The following PRKD1 variants were observed in gnomAD, a reference collection of about 807,000 sequenced individuals.
PRKD1 encodes the protein protein kinase D1.
Under a neutral mutation model 95.9 loss-of-function variants are expected in PRKD1, and 63 were observed. That is an observed-to-expected ratio of 0.66 (90% CI 0.54 to 0.81). The LOEUF (loss-of-function observed/expected upper bound fraction) is 0.81. PRKD1 is among the 30% of genes least tolerant of loss of function. The pLI, the probability that PRKD1 is intolerant of heterozygous loss-of-function variation, is 0.00. For synonymous variants in PRKD1, 425 were observed against 423.1 expected (o/e 1.00, Z -0.05); for missense variants, 1,048 against 1,165.3 (o/e 0.90, Z 1.47).
rs1214723122 is a variant in PRKD1 at position 29,826,722 on chromosome 14, CAT to C, written c.264+100525_264+100526del. Among the ~76,000 whole-genome samples the C allele has an allele frequency of 5.1e-4, 34 of 67,122 alleles. 5 individuals carry two copies. The highest frequency in any genetic ancestry group is 0.012 in the Middle Eastern group (1 of 84). 44.0% of individuals were successfully genotyped at this position (67,122 alleles called of 152,430 possible). ...ATACATATATACACATATATATATACATATATATACACATATATATACACATA... is the reference window on the plus strand; with the variant it reads ...ATACATATATACACATATATATATACATATATACACATATATATACACATA... On this transcript the variant is annotated intron_variant, in intron 1 of 17. Transcript: ENST00000331968.
intron 2 of PRKD1, among the ~76,000 whole-genome samples, chr14:29,703,481 T>A (rs1884937078): frequency 6.6e-6 from 1 of 152,164 alleles, no homozygotes; most frequent in African/African-American, 2.4e-5. Flanking sequence ...TGTTATGTGT[T>A]ATGTCAGAAA....
chr14:29,684,188 T>C (rs1011886461), intron 2 of PRKD1, among the ~76,000 whole-genome samples: 4 of 149,060 alleles, frequency 2.7e-5, no homozygotes, highest in African/African-American at 9.9e-5. Flanking sequence ...TCTCACTCTA[T>C]CGCCCAGGCT....
intron 1 of PRKD1, among the ~76,000 whole-genome samples, chr14:29,801,993 C>T (rs1184317258): frequency 6.6e-6 from 1 of 152,060 alleles, no homozygotes; most frequent in African/African-American, 2.4e-5. Flanking sequence ...CGGCCTGGGT[C>T]TACATCTTTT....
chr14:29,891,396 A>T (rs1893932837), intron 1 of PRKD1, among the ~76,000 whole-genome samples: 1 of 152,172 alleles, frequency 6.6e-6, no homozygotes, highest in Admixed American at 6.5e-5. Flanking sequence ...TTGGTTAGAT[A>T]CCTGTTTTCC....
chr14:29,906,133 G>A (rs1224864848), intron 1 of PRKD1, among the ~76,000 whole-genome samples: 1 of 151,710 alleles, frequency 6.6e-6, no homozygotes, highest in East Asian at 1.9e-4. Context: ...CACACACATA[G>A]AAATGGATAC....
chr14:29,688,434 G>A (rs548446065), intron 2 of PRKD1, among the ~76,000 whole-genome samples: 5 of 152,040 alleles, frequency 3.3e-5, no homozygotes, highest in South Asian at 2.1e-4. Flanking sequence ...AGGTGGGGGC[G>A]GGAGTTTCTC....
intron 2 of PRKD1, among the ~76,000 whole-genome samples, chr14:29,696,225 T>C (rs1400313996): frequency 8.0e-6 from 1 of 125,628 alleles, no homozygotes; most frequent in African/African-American, 3.8e-5. Context: ...TCTATCTCCA[T>C]GAAATTATCT....
At chr14:29,785,271 T>C (rs542139172) in intron 1 of PRKD1, among the ~76,000 whole-genome samples, 1 of 152,328 alleles carries the variant, frequency 6.6e-6, no homozygotes, top group South Asian at 2.1e-4. Flanking sequence ...TGGTGGTCTT[T>C]TGGATGACAA....
intron 2 of PRKD1, 142 bp downstream of exon 2, chr14:29,725,394 T>C (rs1886089600): frequency 2.0e-6 from 2 of 1,013,210 alleles, no homozygotes; most frequent in Non-Finnish European, 2.9e-6. Context: ...TTTCCCTTTT[T>C]CATGTGGACA....
At chr14:29,609,506 G>GCGCACA (rs1555327739) in intron 13 of PRKD1, among the ~76,000 whole-genome samples, 1 of 127,428 alleles carries the variant, frequency 7.8e-6, no homozygotes, top group African/African-American at 3.0e-5. Flanking sequence ...GTGTGTGCGT[G>GCGCACA]CACACACACA....
intron 13 of PRKD1, among the ~76,000 whole-genome samples, chr14:29,610,883 G>A (rs1878414457): frequency 6.6e-6 from 1 of 152,174 alleles, no homozygotes; most frequent in Admixed American, 6.5e-5. Flanking sequence ...ACATTACTAA[G>A]TGAAAGAAAG....
chr14:29,896,978 C>T (rs192951337), intron 1 of PRKD1, among the ~76,000 whole-genome samples: 421 of 151,592 alleles, frequency 2.8e-3, no homozygotes, highest in Non-Finnish European at 5.1e-3. Flanking sequence ...TTGTATTTAT[C>T]TAATAATAAA....
intron 2 of PRKD1, among the ~76,000 whole-genome samples, chr14:29,687,825 G>A (rs1016492064): frequency 1.6e-4 from 24 of 152,160 alleles, no homozygotes; most frequent in Non-Finnish European, 2.5e-4. Context: ...ATGAGTAGAT[G>A]AACACATAAA....
intron 1 of PRKD1, among the ~76,000 whole-genome samples, chr14:29,791,944 T>C (rs1265095801): frequency 6.6e-6 from 1 of 152,162 alleles, no homozygotes; most frequent in East Asian, 1.9e-4. Flanking sequence ...TGTGGTATTG[T>C]ATGTTCTCAC....
intron 1 of PRKD1, among the ~76,000 whole-genome samples, chr14:29,881,847 C>G (rs1335228189): frequency 1.3e-5 from 2 of 152,154 alleles, no homozygotes; most frequent in Non-Finnish European, 2.9e-5. Context: ...CTTTCCCTCC[C>G]CACCCAAAGA....
intron 1 of PRKD1, among the ~76,000 whole-genome samples, chr14:29,869,156 G>C (rs1025336773): frequency 2.6e-5 from 4 of 152,090 alleles, no homozygotes; most frequent in African/African-American, 9.7e-5. Flanking sequence ...TAAAAAAGAA[G>C]AAGAGGCTGG....
chr14:29,915,874 G>A (rs896308414), intron 1 of PRKD1, among the ~76,000 whole-genome samples: 2 of 152,054 alleles, frequency 1.3e-5, no homozygotes, highest in African/African-American at 2.4e-5. Context: ...TGCTTTTTAC[G>A]TAGTAGCTGT....
intron 2 of PRKD1, among the ~76,000 whole-genome samples, chr14:29,671,287 T>A (rs754772484): frequency 6.6e-6 from 1 of 152,106 alleles, no homozygotes; most frequent in Non-Finnish European, 1.5e-5. Flanking sequence ...GGGAACTGTC[T>A]GATGAGCTCA....
intron 1 of PRKD1, among the ~76,000 whole-genome samples, chr14:29,795,624 T>C (rs1889779638): frequency 6.6e-6 from 1 of 152,130 alleles, no homozygotes; most frequent in Admixed American, 6.6e-5. Flanking sequence ...CAGAGTTCTT[T>C]TCTACTGTAA....
Sources: allele counts gnomAD v4.1 joint callset (sites outside exome capture counted in the v4.1 genomes callset), GRCh38; gene constraint gnomAD v4.1.1; transcripts MANE v1.5; gene names NCBI Gene and HGNC (gene_info 2026-07-23, HGNC 2026-07-21).